TSPEAR: variants seen among roughly 807,000 people sequenced by gnomAD.
The protein encoded by TSPEAR is thrombospondin-type laminin G domain and EAR repeat-containing protein.
A neutral mutation model predicts 71.6 loss-of-function variants in TSPEAR; 69 were observed. The ratio of observed to expected loss-of-function variants is 0.96; its 90% CI spans 0.79 to 1.18. The LOEUF is 1.18. Ranked by LOEUF, TSPEAR falls within the 50% of genes most tolerant of loss-of-function variation. The pLI, the probability that TSPEAR is intolerant of heterozygous loss-of-function variation, is 0.00. For synonymous variants in TSPEAR, 402 were observed against 387.2 expected (o/e 1.04, Z -0.45); for missense variants, 971 against 894.9 (o/e 1.09, Z -1.09).
intron 1 of TSPEAR, among the ~76,000 whole-genome samples, chr21:44,703,853 C>G (rs1946013870): frequency 1.3e-5 from 2 of 152,156 alleles, no homozygotes; most frequent in African/African-American, 4.8e-5. Flanking sequence ...GCCTCCTCAC[C>G]TGCTGTCCCC....
rs1036809448 is a variant in TSPEAR at position 44,509,402 on chromosome 21, A to G, written c.1567-16T>C. On this transcript the variant is annotated splice_polypyrimidine_tract_variant and intron_variant, in intron 9 of 11. Transcript: ENST00000323084. ...CACCGAACGTCTAGGACCAAAGGAG[A>G]GCAGGTGCAGAGGTGTGGGGGAGCG... 1.3e-6 allele frequency: 2 copies of G among 1,574,990 alleles called. No individual in the cohort carries two copies. Among genetic ancestry groups the G allele is most frequent in the Non-Finnish European group, 1.7e-6 (2 of 1,155,742 alleles).
chr21:44,593,180 G>T lies in TSPEAR; in HGVS notation c.83-25175C>A, dbSNP rs78824031. 0.015 allele frequency among the ~76,000 whole-genome samples: 2,219 copies of T among 152,296 alleles called. 58 individuals are homozygous for T. Among genetic ancestry groups the T allele is most frequent in the African/African-American group, 0.051 (2,111 of 41,564 alleles). ...TGCTTGGACAGCATGACAGCCTTCTGGGCTGTGGTTTTGGGTTCTGAACCT... is the reference window on the plus strand; with the variant it reads ...TGCTTGGACAGCATGACAGCCTTCTTGGCTGTGGTTTTGGGTTCTGAACCT... On this transcript the variant is annotated intron_variant, in intron 1 of 11. Transcript: ENST00000323084. This position sits in a 1 kb window ranked among gnomAD's most constrained non-coding sequence, Gnocchi z 5.9.
At chr21:44,676,293 G>T in intron 1 of TSPEAR, 1 of 1,213,470 alleles carries the variant, frequency 8.2e-7, no homozygotes, top group Non-Finnish European at 1.2e-6. Context: ...ACTCTGGAGG[G>T]ATAGCTGTGG....
intron 2 of TSPEAR, among the ~76,000 whole-genome samples, chr21:44,562,580 T>C (rs1293055215): frequency 6.6e-6 from 1 of 151,988 alleles, no homozygotes; most frequent in Non-Finnish European, 1.5e-5. Context: ...ATAGTAAAAA[T>C]ACTGAAAGTC....
At chr21:44,572,467 C>T (rs2053816704) in intron 1 of TSPEAR, among the ~76,000 whole-genome samples, 1 of 152,112 alleles carries the variant, frequency 6.6e-6, no homozygotes, top group South Asian at 2.1e-4. Flanking sequence ...GAGGTCAAGC[C>T]ACACCTCACA....
intron 1 of TSPEAR, chr21:44,580,471 G>C: frequency 6.2e-7 from 1 of 1,613,288 alleles, no homozygotes; most frequent in Non-Finnish European, 8.5e-7. Flanking sequence ...CCAGGGTCAG[G>C]CAGGGGGCGG....
At chr21:44,503,336 TCGGGGGGAAGCAAGGCTC>T (rs2052090618) in intron 11 of TSPEAR, among the ~76,000 whole-genome samples, 1 of 122,866 alleles carries the variant, frequency 8.1e-6, no homozygotes, top group Admixed American at 8.4e-5. Context: ...TGGTGAGCCC[TCGGGGGGAAGCAAGGCTC>T]TGGGAGGAAG....
chr21:44,509,766 C>T (rs1234427134), intron 9 of TSPEAR: 1 of 253,992 alleles, frequency 3.9e-6, no homozygotes, highest in Non-Finnish European at 7.8e-6. Flanking sequence ...CAGCCCTGCC[C>T]CTAGCGACCA....
chr21:44,601,555 C>T (rs782486092), intron 1 of TSPEAR: 2 of 1,613,636 alleles, frequency 1.2e-6, no homozygotes, highest in Non-Finnish European at 1.7e-6. Flanking sequence ...CGTGTCCCTC[C>T]TCTGCCGCCC....
chr21:44,706,419 A>G (rs743498), intron 1 of TSPEAR, among the ~76,000 whole-genome samples: 14,827 of 149,944 alleles, frequency 0.099, 817 homozygotes, highest in Middle Eastern at 0.23. Context: ...ATGCACACAC[A>G]CGCGCGCACA....
chr21:44,647,232 C>T lies in TSPEAR; in HGVS notation c.82+64201G>A, dbSNP rs1555940328. On this transcript the variant is annotated intron_variant, in intron 1 of 11. Coordinates refer to ENST00000323084, the MANE Select transcript of TSPEAR (RefSeq NM_144991.3). The stretch of plus-strand genomic sequence containing the variant: ...GTGTGCCCGTCTCCTCCTGCTGTGC[C>T]CCCACCTCCTCCTGCCAGTCCAGCT... 3.1e-6 allele frequency: 5 copies of T among 1,605,374 alleles called. No homozygotes were observed. In the Admixed American group the frequency reaches 6.8e-5, roughly 22 times the overall value.
rs1987292073 is a variant in TSPEAR, at chr21:44,695,419, C to T, written c.82+16014G>A. Among the ~76,000 whole-genome samples, 1 of 152,082 alleles carries T rather than the reference C, an allele frequency of 6.6e-6. No homozygotes were observed. The highest frequency in any genetic ancestry group is 2.4e-5 in the African/African-American group (1 of 41,394). Reference sequence around the variant, plus strand: ...TGACACACAGCAGGAAATGAATGCACGACTCAGGCCAGAGGCATCAGCTGG... The same window carrying T: ...TGACACACAGCAGGAAATGAATGCATGACTCAGGCCAGAGGCATCAGCTGG... On this transcript the variant is annotated intron_variant, in intron 1 of 11. Transcript: ENST00000323084. The surrounding 1 kb of genome is among the most constrained non-coding windows in gnomAD (Gnocchi z 4.5).
chr21:44,606,342 G>T (rs1981313389), intron 1 of TSPEAR, among the ~76,000 whole-genome samples: 1 of 152,206 alleles, frequency 6.6e-6, no homozygotes, highest in Non-Finnish European at 1.5e-5. Context: ...ACACTTGTCA[G>T]AATGGTTCTT....
chr21:44,513,750 G>A (rs1158847800), intron 9 of TSPEAR, among the ~76,000 whole-genome samples: 1 of 152,202 alleles, frequency 6.6e-6, no homozygotes, highest in South Asian at 2.1e-4. Flanking sequence ...GGATGCCTCT[G>A]TGGTCTGGGA....
At chr21:44,569,140 G>T (rs1335276065) in intron 1 of TSPEAR, among the ~76,000 whole-genome samples, 1 of 152,206 alleles carries the variant, frequency 6.6e-6, no homozygotes, top group Non-Finnish European at 1.5e-5. Flanking sequence ...TGCCACAGCT[G>T]CAGTGAGACT....
rs9977986 is a variant in TSPEAR at position 44,570,385 on chromosome 21, C to T, written c.83-2380G>A. ...GGCAGATGAGTCCCTGACACAGCCT[C>T]GGCAGTGCTGGGTGGGGGCCTCTGG... On this transcript the variant is annotated intron_variant, in intron 1 of 11. Coordinates refer to ENST00000323084, the MANE Select transcript of TSPEAR (RefSeq NM_144991.3). Among the ~76,000 whole-genome samples the T allele has an allele frequency of 6.5e-3, 985 of 152,324 alleles. 9 individuals are homozygous for T. The highest frequency in any genetic ancestry group is 0.022 in the African/African-American group (924 of 41,576).
In TSPEAR at chr21:44,567,815, T is replaced by C; in HGVS notation, c.273A>G (p.Val91=). 6.3e-7 allele frequency: 1 copy of C among 1,595,492 alleles called. No individual in the cohort carries two copies. Among genetic ancestry groups the C allele is most frequent in the Non-Finnish European group, 8.6e-7 (1 of 1,169,524 alleles). Residue 91 remains valine, a synonymous_variant, in exon 2 of 12, where the codon GTA becomes GTG. Coordinates refer to ENST00000323084, the MANE Select transcript of TSPEAR (RefSeq NM_144991.3). ...GTGGAAGATTGGGAACTCTCAAAGT[T>C]ACGACGATGGAAAATTCTTCAGGGA... ...DLFPEEFSIV[V]TLRVPNLPPK... is the part of the protein sequence containing the mutation.
At chr21:44,579,638 G>T (rs180763058) in intron 1 of TSPEAR, 54 of 1,198,050 alleles carry the variant, frequency 4.5e-5, no homozygotes, top group African/African-American at 9.3e-5. Flanking sequence ...AGTATGGAGG[G>T]GGGGGTCACC....
chr21:44,709,685 C>G (rs913315350), intron 1 of TSPEAR, among the ~76,000 whole-genome samples: 4 of 152,262 alleles, frequency 2.6e-5, no homozygotes, highest in African/African-American at 7.2e-5. Flanking sequence ...AGCCACGGCC[C>G]GGTGCCTTCA....
Sources: gnomAD v4.1 joint callset for allele counts (sites outside exome capture counted in the v4.1 genomes callset) on GRCh38, gnomAD v4.1.1 for gene constraint, Gnocchi (gnomAD v3.1) non-coding constraint, MANE v1.5 for transcripts, NCBI Gene and HGNC (gene_info 2026-07-23, HGNC 2026-07-21) for gene names.